Variants in PTPRD observed in about 807,000 individuals in gnomAD.
PTPRD encodes receptor-type tyrosine-protein phosphatase delta.
In PTPRD, 34 loss-of-function variants were observed where a neutral mutation model predicts 214.5. That is an observed-to-expected ratio of 0.16 (90% CI 0.12 to 0.21). The LOEUF is 0.21. Among genes scored for constraint, PTPRD ranks in the 10% least tolerant of loss-of-function variants. PTPRD has a pLI of 1.00. For missense variants in PTPRD, 2,545 were observed against 2,398.7 expected (o/e 1.06, Z -1.27); for synonymous variants, 1,128 against 845.7 (o/e 1.33, Z -5.79).
rs530776790 is a variant in PTPRD, at chr9:9,219,031, A to T, written c.-202-35668T>A. On this transcript the variant is annotated intron_variant, in intron 9 of 45. Coordinates refer to ENST00000381196, the MANE Select transcript of PTPRD (RefSeq NM_002839.4). ...AAAGGAAGGGGTACTTTGGTACACAATTTTTCCACTAAACAAAGTCTCTTT... is the reference window on the plus strand; with the variant it reads ...AAAGGAAGGGGTACTTTGGTACACATTTTTTCCACTAAACAAAGTCTCTTT... Among the ~76,000 whole-genome samples, 19 of 152,272 alleles carry T rather than the reference A, an allele frequency of 1.2e-4. No individual in the cohort carries two copies. The South Asian group carries it at 3.1e-3, about 25-fold the overall frequency.
chr9:9,627,297 ACT>A (rs573131378), intron 7 of PTPRD, among the ~76,000 whole-genome samples: 59 of 152,250 alleles, frequency 3.9e-4, no homozygotes, highest in African/African-American at 9.4e-4. Context: ...ACAGAGTGAG[ACT>A]CTGTCTCAAA....
intron 11 of PTPRD, among the ~76,000 whole-genome samples, chr9:8,754,796 G>A (rs2093844211): frequency 6.6e-6 from 1 of 152,116 alleles, no homozygotes; most frequent in African/African-American, 2.4e-5. Flanking sequence ...TCTACAGAGT[G>A]GAAAAAGATA....
intron 8 of PTPRD, among the ~76,000 whole-genome samples, chr9:9,457,222 A>G (rs2145673216): frequency 6.6e-6 from 1 of 152,078 alleles, no homozygotes; most frequent in African/African-American, 2.4e-5. Flanking sequence ...ATGAAGTTCC[A>G]TTCTGATGAT....
At chr9:8,443,392 T>A (rs1342798318) in intron 34 of PTPRD, among the ~76,000 whole-genome samples, 1 of 152,198 alleles carries the variant, frequency 6.6e-6, no homozygotes, top group African/African-American at 2.4e-5. Flanking sequence ...TATTAATAGA[T>A]CAGAAGAGAC....
chr9:10,031,972 A>G (rs1203151050), intron 4 of PTPRD, among the ~76,000 whole-genome samples: 1 of 152,084 alleles, frequency 6.6e-6, no homozygotes, highest in Non-Finnish European at 1.5e-5. Flanking sequence ...ATGCTTTCAT[A>G]TTAAAGATTT....
rs1048534177 is a variant in PTPRD at position 9,309,347 on chromosome 9, A to T, written c.-203+88102T>A. On this transcript the variant is annotated intron_variant, in intron 9 of 45. Coordinates refer to ENST00000381196, the MANE Select transcript of PTPRD (RefSeq NM_002839.4). ...CATTGCAAACAAACCAACAACAAAA[A>T]AAACAAAGAATGTAATCTTTCAGGA... Among the ~76,000 whole-genome samples, 6 of 152,266 alleles carry T rather than the reference A, an allele frequency of 3.9e-5. No individual in the cohort carries two copies. In the South Asian group the frequency reaches 1.2e-3, roughly 32 times the overall value.
chr9:9,256,136 T>C lies in PTPRD; in HGVS notation c.-202-72773A>G, dbSNP rs562365613. Among the ~76,000 whole-genome samples the C allele has an allele frequency of 3.5e-4, 53 of 152,114 alleles. No individual in the cohort carries two copies. The South Asian group carries it at 0.011, about 32-fold the overall frequency. ...GTCTGGAGAAGAAAGGCAACTTGTA[T>C]AGAGTGGCCTTAGAAATGAATGACA... On this transcript the variant is annotated intron_variant, in intron 9 of 45. Coordinates refer to ENST00000381196, the MANE Select transcript of PTPRD (RefSeq NM_002839.4).
At chr9:10,045,931 A>C (rs547391093) in intron 3 of PTPRD, among the ~76,000 whole-genome samples, 1 of 151,788 alleles carries the variant, frequency 6.6e-6, no homozygotes, top group Admixed American at 6.6e-5. Flanking sequence ...AATATTGGGG[A>C]AAATCGTCAA....
At chr9:9,237,893 C>A (rs2099967935) in intron 9 of PTPRD, among the ~76,000 whole-genome samples, 1 of 152,012 alleles carries the variant, frequency 6.6e-6, no homozygotes, top group African/African-American at 2.4e-5. Flanking sequence ...AACTTAAAAT[C>A]TCCTCAAATT....
intron 35 of PTPRD, among the ~76,000 whole-genome samples, chr9:8,409,110 A>G (rs1013600532): frequency 3.3e-5 from 5 of 152,228 alleles, no homozygotes; most frequent in African/African-American, 9.7e-5. Context: ...AATATATCCA[A>G]TAGTTGTAAC....
At chr9:10,286,909 T>C (rs1168604278) in intron 3 of PTPRD, among the ~76,000 whole-genome samples, 1 of 152,192 alleles carries the variant, frequency 6.6e-6, no homozygotes, top group Non-Finnish European at 1.5e-5. Context: ...TACATGTTTG[T>C]TGTTAATGTT....
intron 11 of PTPRD, among the ~76,000 whole-genome samples, chr9:8,915,534 AG>A (rs1442508774): frequency 1.3e-5 from 2 of 152,140 alleles, no homozygotes; most frequent in Non-Finnish European, 2.9e-5. Context: ...CATATTTACA[AG>A]TATACACACA....
chr9:8,394,544 T>A (rs146690453), intron 36 of PTPRD, among the ~76,000 whole-genome samples: 1 of 152,294 alleles, frequency 6.6e-6, no homozygotes, highest in African/African-American at 2.4e-5. Context: ...CTCTGTGATC[T>A]TTGGCCAGTT....
chr9:8,457,966 C>T (rs1362300514), intron 33 of PTPRD, among the ~76,000 whole-genome samples: 2 of 152,106 alleles, frequency 1.3e-5, no homozygotes, highest in African/African-American at 4.8e-5. Flanking sequence ...TGAACTGCCT[C>T]ATGATAATCA....
rs141362114 is a variant in PTPRD at position 10,533,150 on chromosome 9, C to A, written c.-600+79248G>T. On this transcript the variant is annotated intron_variant, in intron 2 of 45. Coordinates refer to ENST00000381196, the MANE Select transcript of PTPRD (RefSeq NM_002839.4). ...CTCCTACATGATCTCTTTGCATACA[C>A]AGGTTCCATTCCTGCTTTCCTCCAG... 1.3e-4 allele frequency among the ~76,000 whole-genome samples: 20 copies of A among 152,214 alleles called. No homozygotes were observed. The East Asian group carries it at 3.5e-3, about 26-fold the overall frequency.
intron 2 of PTPRD, among the ~76,000 whole-genome samples, chr9:10,426,274 A>G (rs1401490897): frequency 2.0e-5 from 3 of 151,996 alleles, no homozygotes; most frequent in Non-Finnish European, 4.4e-5. Context: ...TAAGTTAATC[A>G]ATTCTCATTT....
chr9:9,119,620 T>G (rs2099815701), intron 10 of PTPRD, among the ~76,000 whole-genome samples: 1 of 151,774 alleles, frequency 6.6e-6, no homozygotes, highest in African/African-American at 2.4e-5. Context: ...ACCTCCCAGG[T>G]TCAAGCGATT....
At chr9:9,465,470 A>C (rs559935471) in intron 8 of PTPRD, among the ~76,000 whole-genome samples, 1 of 152,342 alleles carries the variant, frequency 6.6e-6, no homozygotes, top group South Asian at 2.1e-4. Flanking sequence ...GTAAGAATAT[A>C]ACATTTATCA....
intron 11 of PTPRD, among the ~76,000 whole-genome samples, chr9:8,848,725 G>A (rs754597919): frequency 2.6e-5 from 4 of 152,048 alleles, no homozygotes; most frequent in Non-Finnish European, 5.9e-5. Context: ...AGGAGGTTAA[G>A]AGTGAGTGAA....
Sources: allele counts gnomAD v4.1 joint callset (sites outside exome capture counted in the v4.1 genomes callset), GRCh38; gene constraint gnomAD v4.1.1; transcripts MANE v1.5; gene names NCBI Gene and HGNC (gene_info 2026-07-23, HGNC 2026-07-21).